The following WDR1 variants were observed in gnomAD, a reference collection of about 807,000 sequenced individuals.
The protein encoded by WDR1 is WD repeat domain 1, also known as WD repeat-containing protein 1.
In WDR1, 21 loss-of-function variants were observed where a neutral mutation model predicts 71.9. The ratio of observed to expected loss-of-function variants is 0.29; its 90% CI spans 0.21 to 0.42. WDR1 has a LOEUF of 0.42. WDR1 is among the 10% of genes least tolerant of loss of function. WDR1 has a pLI of 1.00. For missense variants in WDR1, 696 were observed against 824.5 expected (o/e 0.84, Z 1.91); for synonymous variants, 424 against 347.4 (o/e 1.22, Z -2.45).
chr4:10,077,542 A>G, intron 13 of WDR1, 94 bp from the exon 14 acceptor site: 29 of 1,577,424 alleles, frequency 1.8e-5, no homozygotes, highest in Non-Finnish European at 2.4e-5. Context: ...GACAATAAGG[A>G]CCGAGGTTTC....
intron 2 of WDR1, chr4:10,115,680 C>G (rs1713670379): frequency 6.5e-6 from 1 of 154,974 alleles, no homozygotes; most frequent in East Asian, 1.9e-4. Context: ...GACGAGAAAA[C>G]TGGGGCTCAG....
At position 10,077,339 on chromosome 4, in the gene WDR1, G is replaced by A. The variant is rs1284725042; in HGVS notation, c.1679C>T (p.Thr560Ile). The change falls in exon 14 of 15, where the codon ACC (threonine) becomes ATC (isoleucine). Residue 560 changes from threonine to isoleucine, a missense_variant. Thr to Ile is a moderately conservative substitution (Grantham distance 89, BLOSUM62 -1). Transcript: ENST00000499869. The part of the protein sequence containing the change: ...GGMDMMVYVW[T>I]LSDPETRVKI... ...GACTCTGGTTTCCGGGTCACTCAGG[G>A]TCCAAACATACACCATCATGTCCAT... 1 of 1,613,876 alleles carries A rather than the reference G, an allele frequency of 6.2e-7. No individual in the cohort carries two copies. Among genetic ancestry groups the A allele is most frequent in the Non-Finnish European group, 8.5e-7 (1 of 1,179,878 alleles).
At chr4:10,089,637 C>G (rs1046437003) in intron 5 of WDR1, among the ~76,000 whole-genome samples, 2 of 152,236 alleles carry the variant, frequency 1.3e-5, no homozygotes, top group East Asian at 3.9e-4. Context: ...CTGCAGGCGG[C>G]GCTAACCCGG....
chr4:10,103,206 G>C (rs1477970006), intron 3 of WDR1, among the ~76,000 whole-genome samples: 2 of 152,038 alleles, frequency 1.3e-5, no homozygotes, highest in African/African-American at 4.8e-5. Context: ...CCAGCATTGT[G>C]GTAGCACTGG....
At chr4:10,107,208 G>T (rs1291079381) in intron 2 of WDR1, among the ~76,000 whole-genome samples, 1 of 152,144 alleles carries the variant, frequency 6.6e-6, no homozygotes, top group Admixed American at 6.5e-5. Flanking sequence ...CTCCTCCCAG[G>T]CTTTCTTCTC....
rs780305268 is a variant in WDR1, at chr4:10,083,102, G to A, written c.1116C>T (p.Thr372=). 4.3e-6 allele frequency: 7 copies of A among 1,613,858 alleles called. No homozygotes were observed. Among genetic ancestry groups the A allele is most frequent in the African/African-American group, 1.3e-5 (1 of 75,004 alleles). Residue 372 remains threonine (T), a synonymous_variant, in exon 10 of 15, where the codon ACC becomes ACT. Transcript: ENST00000499869. ...KGHTNQVSRM[T]VDESGQLISC... ...TGATGAGCTGCCCCGACTCATCCAC[G>A]GTCATCCTGGACACCTGGTTCGTGT...
intron 10 of WDR1, among the ~76,000 whole-genome samples, chr4:10,081,964 G>A (rs985172966): frequency 6.6e-6 from 1 of 152,232 alleles, no homozygotes; most frequent in African/African-American, 2.4e-5. Flanking sequence ...AGATAATCAA[G>A]GAAATTTCTG....
At chr4:10,113,900 G>A (rs1035107436) in intron 2 of WDR1, among the ~76,000 whole-genome samples, 1 of 152,202 alleles carries the variant, frequency 6.6e-6, no homozygotes, top group African/African-American at 2.4e-5. Flanking sequence ...TTGGCTTGGA[G>A]TATGTATGTT....
chr4:10,107,597 G>A (rs1249150823), intron 2 of WDR1, among the ~76,000 whole-genome samples: 1 of 152,172 alleles, frequency 6.6e-6, no homozygotes. Context: ...TAGAACAGGT[G>A]CAGCCCCTCT....
At chr4:10,084,005 G>C (rs543732349) in intron 9 of WDR1, among the ~76,000 whole-genome samples, 27 of 152,316 alleles carry the variant, frequency 1.8e-4, no homozygotes, top group African/African-American at 6.5e-4. Context: ...CTGGGCTCTG[G>C]TTTTCCTATT....
chr4:10,096,789 G>A (rs1390482334), intron 5 of WDR1, among the ~76,000 whole-genome samples: 3 of 88,568 alleles, frequency 3.4e-5, no homozygotes, highest in African/African-American at 6.1e-5. Context: ...AACCACTGAC[G>A]GTTCCAAGAG....
intron 5 of WDR1, among the ~76,000 whole-genome samples, chr4:10,097,102 C>T (rs1345448005): frequency 2.6e-5 from 4 of 152,254 alleles, no homozygotes; most frequent in Non-Finnish European, 5.9e-5. Flanking sequence ...GGCACACCCC[C>T]GTCTTGCAGA....
intron 5 of WDR1, among the ~76,000 whole-genome samples, chr4:10,089,265 C>T (rs1003726396): frequency 6.6e-6 from 1 of 152,214 alleles, no homozygotes; most frequent in Admixed American, 6.5e-5. Flanking sequence ...CCCGCCACCA[C>T]GCCTGGCTAA....
At position 10,099,012 on chromosome 4, in the gene WDR1, C is replaced by G. The variant is rs1307356924; in HGVS notation, c.357G>C (p.Val119=). 1.2e-6 allele frequency: 2 copies of G among 1,613,902 alleles called. No individual in the cohort carries two copies. The highest frequency in any genetic ancestry group is 1.3e-5 in the African/African-American group (1 of 74,922). ...CTCACTTCTCCCTTCCTTCCCCGAC[C>G]ACGGCGATCCTCTTACTGTCTTCAG... is the stretch of plus-strand genomic sequence containing the variant. ...AWTEDSKRIA[V]VGEGREKFGA... Residue 119 remains valine, a synonymous_variant, in exon 4 of 15, where the codon GTG becomes GTC. Transcript: ENST00000499869.
At chr4:10,098,022 C>A (rs948671389) in intron 4 of WDR1, 131 bp from the exon 5 acceptor site, 4 of 930,992 alleles carry the variant, frequency 4.3e-6, no homozygotes, top group African/African-American at 1.7e-5. Context: ...CAGCTCAGAA[C>A]GCCACAGGGA....
intron 6 of WDR1, 116 bp downstream of exon 6, chr4:10,088,548 G>A (rs780220982): frequency 1.8e-6 from 2 of 1,140,660 alleles, no homozygotes; most frequent in African/African-American, 3.1e-5. Context: ...GATGTGGGGA[G>A]GGCGATGTCT....
chr4:10,084,438 G>A lies in WDR1; in HGVS notation c.1039+5C>T, dbSNP rs776440876. 6.8e-6 allele frequency: 11 copies of A among 1,613,186 alleles called. No homozygotes were observed. In the African/African-American group the frequency reaches 9.3e-5, roughly 14 times the overall value. ...CCGGAGCCAGCTCTTTGAGTCAAAG[G>A]ATATTAATGTGTCCGTCGTGGCTCC... On this transcript the variant is annotated splice_donor_5th_base_variant and intron_variant, in intron 9 of 14. Coordinates refer to ENST00000499869, the MANE Select transcript of WDR1 (RefSeq NM_017491.5).
At position 10,088,702 on chromosome 4, in the gene WDR1, C is replaced by T; in HGVS notation, c.598G>A (p.Asp200Asn). The T allele has an allele frequency of 1.9e-6, 3 of 1,608,006 alleles. No homozygotes were observed. Among genetic ancestry groups the T allele is most frequent in the Non-Finnish European group, 2.5e-6 (3 of 1,177,236 alleles). ...RFVNCVRFSP[D>N]GNRFATASAD... ...CTGGCTGTGGCAAATCTGTTCCCAT[C>T]AGGAGAGAATCGCACACAGTTGACA... Residue 200 changes from aspartate to asparagine, a missense_variant, in exon 6 of 15, where the codon GAT becomes AAT. Physicochemically the swap from Asp to Asn is conservative, Grantham distance 23. Transcript: ENST00000499869.
At chr4:10,082,736 C>T (rs141916368) in intron 10 of WDR1, among the ~76,000 whole-genome samples, 102 of 152,308 alleles carry the variant, frequency 6.7e-4, no homozygotes, top group South Asian at 1.4e-3. Flanking sequence ...AGGGAGAGAC[C>T]GCAGCAGGTT....
Sources: allele counts gnomAD v4.1 joint callset (sites outside exome capture counted in the v4.1 genomes callset), GRCh38; gene constraint gnomAD v4.1.1; transcripts MANE v1.5; gene names NCBI Gene and HGNC (gene_info 2026-07-23, HGNC 2026-07-21).